FAM20A: variants seen among roughly 807,000 people sequenced by gnomAD.
FAM20A encodes the protein FAM20A golgi associated secretory pathway pseudokinase, also known as pseudokinase FAM20A.
FAM20A carries 42 observed loss-of-function variants against 52.0 expected under a neutral mutation model. That is an observed-to-expected ratio of 0.81 (90% CI 0.63 to 1.04). The LOEUF (loss-of-function observed/expected upper bound fraction) is 1.04, where lower values mean the gene tolerates loss of function less well. Ranked by LOEUF, FAM20A falls within the 50% of genes least tolerant of loss-of-function variation. FAM20A has a pLI of 0.00. For synonymous variants in FAM20A, 304 were observed against 298.9 expected (o/e 1.02, Z -0.18); for missense variants, 742 against 712.7 (o/e 1.04, Z -0.47).
chr17:68,552,665 C>CTTTTTT lies in FAM20A; in HGVS notation c.641-715_641-714insAAAAAA, dbSNP rs1568739140. ...CTGGAGCCCTGTAAACCTTTATTTT[C>CTTTTTT]CTTTTTTTTTTTTTTTTTTTTTTTT... On this transcript the variant is annotated intron_variant, in intron 3 of 10. Coordinates refer to ENST00000592554, the MANE Select transcript of FAM20A (RefSeq NM_017565.4). 2.6e-3 allele frequency among the ~76,000 whole-genome samples: 287 copies of CTTTTTT among 109,968 alleles called. 40 individuals are homozygous for CTTTTTT. Among genetic ancestry groups the CTTTTTT allele is most frequent in the African/African-American group, 8.9e-3 (276 of 30,970 alleles). 72.1% of individuals were successfully genotyped at this position (109,968 alleles called of 152,430 possible).
At chr17:68,575,000 A>C (rs564817783) in intron 1 of FAM20A, 29 of 152,366 alleles carry the variant, frequency 1.9e-4, no homozygotes, top group Admixed American at 3.3e-4. Flanking sequence ...CCACAGAGGC[A>C]GAGACTGGCA....
intron 5 of FAM20A, 34 bp from the exon 6 acceptor site, chr17:68,542,843 A>G (rs1204836090): frequency 6.6e-7 from 1 of 1,520,732 alleles, no homozygotes; most frequent in Admixed American, 1.7e-5. Flanking sequence ...CATCTGAGGG[A>G]TGATCAGGGA....
chr17:68,545,673 G>T (rs1192775243), intron 4 of FAM20A, among the ~76,000 whole-genome samples: 2 of 152,180 alleles, frequency 1.3e-5, no homozygotes, highest in African/African-American at 2.4e-5. Flanking sequence ...TCTGTAGCAC[G>T]CAATGCTGTT....
At chr17:68,538,258 A>G (rs770441696) in intron 10 of FAM20A, among the ~76,000 whole-genome samples, 1 of 152,234 alleles carries the variant, frequency 6.6e-6, no homozygotes, top group Non-Finnish European at 1.5e-5. Context: ...TTTATGTGGG[A>G]ATCTGACTTG....
chr17:68,581,457 CTTTCCTTTCTTT>C (rs1413921824), intron 1 of FAM20A, among the ~76,000 whole-genome samples: 1,037 of 40,806 alleles, frequency 0.025, 41 homozygotes, highest in African/African-American at 0.08. Flanking sequence ...TCTTTTCTTT[CTTTCCTTTCTTT>C]CTTTCTTTCT....
intron 4 of FAM20A, 73 bp downstream of exon 4, chr17:68,551,800 T>C: frequency 1.9e-6 from 2 of 1,059,238 alleles, no homozygotes; most frequent in Non-Finnish European, 2.9e-6. Flanking sequence ...TAGGTCACTT[T>C]TATTAGTTTT....
intron 4 of FAM20A, chr17:68,550,956 C>A: frequency 1.3e-6 from 1 of 742,164 alleles, no homozygotes; most frequent in Non-Finnish European, 1.9e-6. Context: ...TCTCAATGGG[C>A]CTCCCCTTGA....
At chr17:68,588,817 A>C (rs1293596133) in intron 1 of FAM20A, among the ~76,000 whole-genome samples, 1 of 152,274 alleles carries the variant, frequency 6.6e-6, no homozygotes, top group Non-Finnish European at 1.5e-5. Flanking sequence ...TTGAAGAGAC[A>C]CAATTCAGTC....
intron 3 of FAM20A, among the ~76,000 whole-genome samples, chr17:68,552,665 CCTTT>C (rs2086891843): frequency 9.1e-6 from 1 of 109,970 alleles, no homozygotes; most frequent in African/African-American, 3.2e-5. Context: ...CCTTTATTTT[CCTTT>C]TTTTTTTTTT....
rs531666019 is a variant in FAM20A, at chr17:68,541,042, C to G, written c.1110-84G>C. 1.3e-5 allele frequency: 20 copies of G among 1,542,042 alleles called. No homozygotes were observed. The African/African-American group carries it at 1.9e-4, about 15-fold the overall frequency. ...CTCCCCACACCTCCCCCTGCCCCCC[C>G]AATCCCTGCCTCCCTGATCCTGCCC... On this transcript the variant is annotated intron_variant, in intron 7 of 10. Transcript: ENST00000592554.
At position 68,555,621 on chromosome 17, in the gene FAM20A, C is replaced by T. The variant is rs140917285; in HGVS notation, c.527G>A (p.Arg176Gln). Residue 176 changes from arginine to glutamine, a missense_variant, in exon 2 of 11, where the codon CGG becomes CAG. Transcript: ENST00000592554. ...LGINRHGLYSRSSPVVSKLLQ... is the reference protein window; with the variant it reads ...LGINRHGLYSQSSPVVSKLLQ... ...AAGTTTGCTGACAACAGGGCTGGAC[C>T]GGGAGTAGAGCCCATGGCGGTTAAT... 5.2e-5 allele frequency: 84 copies of T among 1,613,608 alleles called. No homozygotes were observed. Among genetic ancestry groups the T allele is most frequent in the African/African-American group, 5.2e-4 (39 of 74,982 alleles).
At position 68,541,843 on chromosome 17, in the gene FAM20A, G is replaced by C. The variant is rs1222357910; in HGVS notation, c.1109+142C>G. Reference sequence around the variant, plus strand: ...AGGGGAGAACAGACCCAGGCCTGCTGATCCCAGGATCAATATGAAATGGGG... The same window carrying C: ...AGGGGAGAACAGACCCAGGCCTGCTCATCCCAGGATCAATATGAAATGGGG... On this transcript the variant is annotated intron_variant, in intron 7 of 10. Transcript: ENST00000592554. The C allele has an allele frequency of 4.9e-6, 5 of 1,019,476 alleles. No homozygotes were observed. In the Admixed American group the frequency reaches 1.1e-4, roughly 23 times the overall value. The allele number at this position is 1,019,476 out of a possible 1,614,324, so 63.2% of individuals were successfully genotyped here. A position where few individuals can be genotyped will look rare whatever the true frequency, so the allele number is the denominator to read the frequency against.
At chr17:68,590,302 C>G (rs1001352201) in intron 1 of FAM20A, 17 of 152,190 alleles carry the variant, frequency 1.1e-4, no homozygotes, top group Non-Finnish European at 1.5e-4. Context: ...AAGGAGGCCT[C>G]AGGGGTCACA....
intron 1 of FAM20A, among the ~76,000 whole-genome samples, chr17:68,575,712 ATATATT>A (rs2087739551): frequency 8.5e-6 from 1 of 117,464 alleles, no homozygotes; most frequent in Non-Finnish European, 1.7e-5. Context: ...ATTATATATT[ATATATT>A]TTATATTTTA....
At chr17:68,581,384 T>TTC (rs2087960538) in intron 1 of FAM20A, among the ~76,000 whole-genome samples, 1 of 146,362 alleles carries the variant, frequency 6.8e-6, no homozygotes, top group Non-Finnish European at 1.5e-5. Flanking sequence ...CTTTCTTTCT[T>TTC]TCTTTCTTTC....
chr17:68,552,100 G>T, intron 3 of FAM20A, 149 bp from the exon 4 acceptor site: 1 of 684,852 alleles, frequency 1.5e-6, no homozygotes, highest in Admixed American at 2.0e-5. Context: ...AGCCTGCAGG[G>T]TAAACGCCAT....
chr17:68,554,997 T>C (rs939162271), intron 2 of FAM20A, among the ~76,000 whole-genome samples, 170 bp from the exon 3 acceptor site: 2 of 152,182 alleles, frequency 1.3e-5, no homozygotes, highest in Non-Finnish European at 2.9e-5. Flanking sequence ...GACTGTAGCC[T>C]CCTTCCCTGC....
chr17:68,600,253 G>A lies in FAM20A; in HGVS notation c.404+10C>T, dbSNP rs911576650. 3.9e-6 allele frequency: 6 copies of A among 1,557,052 alleles called. No individual in the cohort carries two copies. Among genetic ancestry groups the A allele is most frequent in the Middle Eastern group, 1.7e-4 (1 of 5,888 alleles). ...CGCCCGCTCTCCCGCGTCCCGGGCGGGGTCCTCACCTGTTCCAGCGGGCCA... is the reference window on the plus strand; with the variant it reads ...CGCCCGCTCTCCCGCGTCCCGGGCGAGGTCCTCACCTGTTCCAGCGGGCCA... On this transcript the variant is annotated intron_variant, in intron 1 of 10. Coordinates refer to ENST00000592554, the MANE Select transcript of FAM20A (RefSeq NM_017565.4). The surrounding 1 kb of genome is among the most constrained non-coding windows in gnomAD (Gnocchi z 6.2).
rs866347249 is a variant in FAM20A at position 68,542,751 on chromosome 17, C to T, written c.871G>A (p.Glu291Lys). ...TCATTCTTGGTGACCTCTAGGATTTCCTTGGTGACATTTACTATCCTCCCC... is the reference window on the plus strand; with the variant it reads ...TCATTCTTGGTGACCTCTAGGATTTTCTTGGTGACATTTACTATCCTCCCC... Reference protein sequence around the residue: ...TVGRIVNVTKEILEVTKNEIL... With the variant: ...TVGRIVNVTKKILEVTKNEIL... The change falls in exon 6 of 11, where the codon GAA becomes AAA. Residue 291 changes from glutamate to lysine, a missense_variant. Coordinates refer to ENST00000592554, the MANE Select transcript of FAM20A (RefSeq NM_017565.4). 6.2e-7 allele frequency: 1 copy of T among 1,614,172 alleles called. No homozygotes were observed. The highest frequency in any genetic ancestry group is 2.2e-5 in the East Asian group (1 of 44,880).
Sources: gnomAD v4.1 joint callset for allele counts (sites outside exome capture counted in the v4.1 genomes callset) on GRCh38, gnomAD v4.1.1 for gene constraint, Gnocchi (gnomAD v3.1) non-coding constraint, MANE v1.5 for transcripts, NCBI Gene and HGNC (gene_info 2026-07-23, HGNC 2026-07-21) for gene names.